The following HECW2 variants were observed in gnomAD, a reference collection of about 807,000 sequenced individuals.
The protein encoded by HECW2 is E3 ubiquitin-protein ligase HECW2.
HECW2 carries 61 observed loss-of-function variants against 175.2 expected under a neutral mutation model. The observed-to-expected ratio is 0.35, with a 90% CI of 0.28 to 0.43. The LOEUF is 0.43. Among genes scored for constraint, HECW2 ranks in the 20% least tolerant of loss-of-function variants. The pLI, the probability that HECW2 is intolerant of heterozygous loss-of-function variation, is 1.00. For missense variants in HECW2, 1,524 were observed against 2,000.5 expected (o/e 0.76, Z 4.54); for synonymous variants, 671 against 731.0 (o/e 0.92, Z 1.32).
chr2:196,295,919 C>T (rs1451615780), intron 13 of HECW2, among the ~76,000 whole-genome samples: 1 of 152,086 alleles, frequency 6.6e-6, no homozygotes, highest in Non-Finnish European at 1.5e-5. Flanking sequence ...GAGCATCTAC[C>T]AAAGTAATTC....
At chr2:196,358,947 G>C (rs915466857) in intron 2 of HECW2, among the ~76,000 whole-genome samples, 1 of 152,102 alleles carries the variant, frequency 6.6e-6, no homozygotes, top group Admixed American at 6.6e-5. Flanking sequence ...GTCACTCAAA[G>C]CTTAAAATTC....
chr2:196,255,664 T>C (rs1689027860), intron 18 of HECW2, among the ~76,000 whole-genome samples: 1 of 152,202 alleles, frequency 6.6e-6, no homozygotes, highest in Non-Finnish European at 1.5e-5. Context: ...TTTTCCTTTT[T>C]AAGAAATCAG....
chr2:196,562,376 G>A (rs913641405), intron 1 of HECW2, among the ~76,000 whole-genome samples: 6 of 152,170 alleles, frequency 3.9e-5, no homozygotes, highest in Non-Finnish European at 7.3e-5. Context: ...ATACTTTACA[G>A]CACATTCTTT....
intron 21 of HECW2, among the ~76,000 whole-genome samples, chr2:196,235,645 ATTCT>A (rs1298708215): frequency 3.1e-4 from 31 of 100,550 alleles, no homozygotes; most frequent in African/African-American, 1.1e-3. Context: ...TAGATGCATT[ATTCT>A]TTTTTTTTTT....
chr2:196,255,966 A>C (rs1689040323), intron 18 of HECW2, among the ~76,000 whole-genome samples: 1 of 152,080 alleles, frequency 6.6e-6, no homozygotes, highest in South Asian at 2.1e-4. Context: ...CCAGCTACTC[A>C]GGAGGCTGAG....
At chr2:196,344,798 G>A (rs1309818424) in intron 2 of HECW2, among the ~76,000 whole-genome samples, 2 of 152,182 alleles carry the variant, frequency 1.3e-5, no homozygotes, top group Non-Finnish European at 2.9e-5. Flanking sequence ...CTGAGAGTTG[G>A]AATAAAGAAG....
intron 2 of HECW2, among the ~76,000 whole-genome samples, chr2:196,385,066 G>A (rs1020438260): frequency 1.3e-5 from 2 of 151,974 alleles, no homozygotes; most frequent in Admixed American, 6.6e-5. Context: ...GTAGGCACCA[G>A]TTACCATGTC....
chr2:196,313,417 C>T (rs1010359821), intron 10 of HECW2, among the ~76,000 whole-genome samples: 1 of 152,174 alleles, frequency 6.6e-6, no homozygotes. Flanking sequence ...CAAGCTACTT[C>T]CCTGGGAGGC....
At chr2:196,400,339 G>A (rs1334713503) in intron 2 of HECW2, among the ~76,000 whole-genome samples, 6 of 152,156 alleles carry the variant, frequency 3.9e-5, no homozygotes, top group African/African-American at 7.2e-5. Context: ...AAGGATTTTC[G>A]TGTTGGCGGG....
chr2:196,204,970 C>T (rs1245509094), intron 28 of HECW2, among the ~76,000 whole-genome samples: 1 of 152,206 alleles, frequency 6.6e-6, no homozygotes, highest in Non-Finnish European at 1.5e-5. Flanking sequence ...CCTAAATACT[C>T]TTTTCAGTTC....
chr2:196,505,545 AAAG>A (rs1687730760), intron 1 of HECW2, among the ~76,000 whole-genome samples: 1 of 152,178 alleles, frequency 6.6e-6, no homozygotes, highest in South Asian at 2.1e-4. Flanking sequence ...ATCAAAAAAA[AAAG>A]AAGAAAGAGA....
intron 2 of HECW2, among the ~76,000 whole-genome samples, chr2:196,404,893 C>T (rs1321572728): frequency 1.4e-5 from 2 of 140,538 alleles, no homozygotes; most frequent in East Asian, 2.0e-4. Flanking sequence ...GGTGCAATCT[C>T]GGCTCGCTGC....
chr2:196,257,275 G>A (rs1013692841), intron 18 of HECW2, among the ~76,000 whole-genome samples: 1 of 123,730 alleles, frequency 8.1e-6, no homozygotes, highest in Non-Finnish European at 2.0e-5. Flanking sequence ...ACCATTGGAG[G>A]GTGAGGGGCG....
At chr2:196,359,695 T>C (rs1693516457) in intron 2 of HECW2, among the ~76,000 whole-genome samples, 1 of 152,252 alleles carries the variant, frequency 6.6e-6, no homozygotes. Context: ...TCATATAATA[T>C]GGATGAGGAA....
intron 9 of HECW2, 81 bp from the exon 10 acceptor site, chr2:196,317,450 A>T: frequency 1.0e-6 from 1 of 979,120 alleles, no homozygotes; most frequent in Non-Finnish European, 1.6e-6. Flanking sequence ...AACCTAACAT[A>T]ATTCCCAAGG....
chr2:196,493,777 A>G (rs1687285863), intron 1 of HECW2, among the ~76,000 whole-genome samples: 1 of 152,234 alleles, frequency 6.6e-6, no homozygotes, highest in African/African-American at 2.4e-5. Flanking sequence ...TTTAAAGAAT[A>G]GTCAACATTA....
chr2:196,262,335 T>G (rs1054636563), intron 17 of HECW2, among the ~76,000 whole-genome samples: 1 of 152,056 alleles, frequency 6.6e-6, no homozygotes, highest in African/African-American at 2.4e-5. Context: ...CAGCCTGGCT[T>G]CTTCTTAACA....
chr2:196,201,757 TG>T, intron 28 of HECW2, among the ~76,000 whole-genome samples: 1 of 152,246 alleles, frequency 6.6e-6, no homozygotes, highest in East Asian at 1.9e-4. Flanking sequence ...CATAAGGCCT[TG>T]CAAAGTAGTT....
chr2:196,434,923 T>C (rs376930492), intron 1 of HECW2, among the ~76,000 whole-genome samples: 1 of 152,250 alleles, frequency 6.6e-6, no homozygotes, highest in South Asian at 2.1e-4. Flanking sequence ...CGACCTTGGC[T>C]ACTGAGTCTG....
Sources: allele counts gnomAD v4.1 joint callset (sites outside exome capture counted in the v4.1 genomes callset), GRCh38; gene constraint gnomAD v4.1.1; transcripts MANE v1.5; gene names NCBI Gene and HGNC (gene_info 2026-07-23, HGNC 2026-07-21).